The following STX11 variants were observed in gnomAD, a reference collection of about 807,000 sequenced individuals.
STX11 encodes the protein syntaxin 11.
A neutral mutation model predicts 19.9 loss-of-function variants in STX11; 21 were observed. That is an observed-to-expected ratio of 1.06 (90% CI 0.75 to 1.52). The LOEUF is 1.52. Ranked by LOEUF, STX11 falls within the 40% of genes most tolerant of loss-of-function variation. The pLI is 0.00. For synonymous variants in STX11, 193 were observed against 174.4 expected (o/e 1.11, Z -0.84); for missense variants, 438 against 405.9 (o/e 1.08, Z -0.68).
At position 144,155,097 on chromosome 6, in the gene STX11, C is replaced by T. The variant is rs937820422; in HGVS notation, c.-6+4394C>T. ...AAACTGGAATAATCAGACCTTTTCTCCTGGGAATTTACATTTTAATGGAGA... is the reference window on the plus strand; with the variant it reads ...AAACTGGAATAATCAGACCTTTTCTTCTGGGAATTTACATTTTAATGGAGA... On this transcript the variant is annotated intron_variant, in intron 1 of 1. Coordinates refer to ENST00000367568, the MANE Select transcript of STX11 (RefSeq NM_003764.4). The surrounding 1 kb of genome is among the most constrained non-coding windows in gnomAD (Gnocchi z 4.5). 3.9e-5 allele frequency among the ~76,000 whole-genome samples: 6 copies of T among 152,314 alleles called. 1 individual carries two copies. The South Asian group carries it at 6.2e-4, about 16-fold the overall frequency.
rs1240798361 is a variant in STX11, at chr6:144,169,429, T to C, written c.-5-17194T>C. ...TGAAAATTTGATGCTGTGTCTTTTCTAAAATTTCCGTAACCAGCCTTTTGA... is the reference window on the plus strand; with the variant it reads ...TGAAAATTTGATGCTGTGTCTTTTCCAAAATTTCCGTAACCAGCCTTTTGA... On this transcript the variant is annotated intron_variant, in intron 1 of 1. Transcript: ENST00000367568. This position sits in a 1 kb window ranked among gnomAD's most constrained non-coding sequence, Gnocchi z 5.2. Among the ~76,000 whole-genome samples the C allele has an allele frequency of 1.3e-5, 2 of 152,362 alleles. No homozygotes were observed. Among genetic ancestry groups the C allele is most frequent in the East Asian group, 1.9e-4 (1 of 5,186 alleles).
Position 144,188,907 on chromosome 6 carries a change from T to TA in STX11, c.*1417dup, listed in dbSNP as rs1184883630. On this transcript the variant is annotated 3_prime_UTR_variant, in exon 2 of 2. Coordinates refer to ENST00000367568, the MANE Select transcript of STX11 (RefSeq NM_003764.4). ...ATGTCTGGCTAATTTTTTATGTTTT[T>TA]AGTAAAGACGGTGTTTCACCGTGTT... is the stretch of plus-strand genomic sequence containing the variant. Among the ~76,000 whole-genome samples, 1 of 152,024 alleles carries TA rather than the reference T, an allele frequency of 6.6e-6. No homozygotes were observed. Among genetic ancestry groups the TA allele is most frequent in the Admixed American group, 6.6e-5 (1 of 15,260 alleles).
At position 144,190,944 on chromosome 6, in the gene STX11, A is replaced by G. The variant is rs564294591; in HGVS notation, c.*3453A>G. On this transcript the variant is annotated 3_prime_UTR_variant, in exon 2 of 2. Coordinates refer to ENST00000367568, the MANE Select transcript of STX11 (RefSeq NM_003764.4). ...AAGAAATTGTGTTCTAGTGCCACCA[A>G]GAGATGCTGTAGAGCTGGCTTTACC... Among the ~76,000 whole-genome samples the G allele has an allele frequency of 2.6e-5, 4 of 152,288 alleles. No homozygotes were observed. The East Asian group carries it at 5.8e-4, about 22-fold the overall frequency.
chr6:144,158,547 TA>T (rs1562656879), intron 1 of STX11, among the ~76,000 whole-genome samples: 1 of 151,692 alleles, frequency 6.6e-6, no homozygotes, highest in Non-Finnish European at 1.5e-5. Context: ...TGCTTTTTTT[TA>T]AACTTTAATA....
chr6:144,142,842 T>C, the STX11 span, among the ~76,000 whole-genome samples: 8 of 152,226 alleles, frequency 5.3e-5, no homozygotes, highest in African/African-American at 1.9e-4. Context: ...TATTGTTCCA[T>C]TGTTGCTAAC....
rs1801932218 is a variant in STX11 at position 144,182,435 on chromosome 6, T to C, written c.-5-4188T>C. 6.6e-6 allele frequency among the ~76,000 whole-genome samples: 1 copy of C among 152,172 alleles called. No homozygotes were observed. The highest frequency in any genetic ancestry group is 1.5e-5 in the Non-Finnish European group (1 of 68,008). On this transcript the variant is annotated intron_variant, in intron 1 of 1. Coordinates refer to ENST00000367568, the MANE Select transcript of STX11 (RefSeq NM_003764.4). This position sits in a 1 kb window ranked among gnomAD's most constrained non-coding sequence, Gnocchi z 4.8. ...CCTTCCCTCCTTTACCACACCTCAA[T>C]AGAGAATCTTTATGTCTCCTGTACC...
intron 1 of STX11, among the ~76,000 whole-genome samples, chr6:144,173,741 T>C (rs1038933883): frequency 1.3e-5 from 2 of 152,242 alleles, no homozygotes; most frequent in African/African-American, 4.8e-5. Flanking sequence ...TGGCTGCCTA[T>C]GATATGGGCT....
the STX11 span, among the ~76,000 whole-genome samples, chr6:144,144,927 C>T: frequency 6.6e-6 from 1 of 152,166 alleles, no homozygotes; most frequent in Non-Finnish European, 1.5e-5. Context: ...GACACTGGAA[C>T]CCTTGGGCAT....
At chr6:144,171,628 A>G (rs527539934) in intron 1 of STX11, among the ~76,000 whole-genome samples, 14 of 151,836 alleles carry the variant, frequency 9.2e-5, no homozygotes, top group African/African-American at 3.4e-4. Flanking sequence ...CTGCTCAAGG[A>G]CTCCTATTTA....
chr6:144,179,680 G>C (rs1243120217), intron 1 of STX11, among the ~76,000 whole-genome samples: 2 of 152,224 alleles, frequency 1.3e-5, no homozygotes, highest in African/African-American at 4.8e-5. Flanking sequence ...CAGCTCACCA[G>C]GATGCATGCC....
rs758032054 is a variant in STX11 at position 144,187,222 on chromosome 6, GGCGC to G, written c.599_602del (p.Ala200GlyfsTer42). 2.5e-6 allele frequency: 4 copies of G among 1,613,944 alleles called. No homozygotes were observed. In the South Asian group the frequency reaches 4.4e-5, roughly 18 times the overall value. ...CGAGAACTTGCTGGCCGACGTGAAG[GGCGC>G]GCGGGCCGCCCTCAACGAGATCGAG... On this transcript the variant is annotated frameshift_variant, in exon 2 of 2. Transcript: ENST00000367568. LOFTEE classifies it high-confidence loss of function. The surrounding 1 kb of genome is among the most constrained non-coding windows in gnomAD (Gnocchi z 5.6).
At position 144,182,639 on chromosome 6, in the gene STX11, T is replaced by G. The variant is rs4896704; in HGVS notation, c.-5-3984T>G. 6.6e-6 allele frequency among the ~76,000 whole-genome samples: 1 copy of G among 152,214 alleles called. No individual in the cohort carries two copies. The highest frequency in any genetic ancestry group is 1.9e-4 in the East Asian group (1 of 5,170). On this transcript the variant is annotated intron_variant, in intron 1 of 1. Coordinates refer to ENST00000367568, the MANE Select transcript of STX11 (RefSeq NM_003764.4). The surrounding 1 kb of genome is among the most constrained non-coding windows in gnomAD (Gnocchi z 4.8). ...ATGATTGAATTGTACTTGACTCTTC[T>G]TATTGTGATGAGATGATTTCCCCCA...
At chr6:144,146,964 AGTT>A (rs1404917017), upstream of STX11, among the ~76,000 whole-genome samples, 1 of 152,092 alleles carries the variant, frequency 6.6e-6, no homozygotes, top group Non-Finnish European at 1.5e-5. This position sits in a 1 kb window ranked among gnomAD's most constrained non-coding sequence, Gnocchi z 4.4. Context: ...TTCAGTTTGG[AGTT>A]GTTCTCTCCT....
At position 144,150,619 on chromosome 6, in the gene STX11, T is replaced by G; in HGVS notation, c.-90T>G. 1 of 985,232 alleles carries G rather than the reference T, an allele frequency of 1.0e-6. No homozygotes were observed. Among genetic ancestry groups the G allele is most frequent in the Non-Finnish European group, 1.2e-6 (1 of 829,942 alleles). The allele number at this position is 985,232 out of a possible 1,614,324, so 61.0% of individuals were successfully genotyped here. ...AGCCGCCGGGAGTCGCGCAACAGGT[T>G]TCCTTCTCCATCGCTGCGCCCACAG... is the stretch of plus-strand genomic sequence containing the variant. On this transcript the variant is annotated 5_prime_UTR_variant, in exon 1 of 2. Coordinates refer to ENST00000367568, the MANE Select transcript of STX11 (RefSeq NM_003764.4).
rs1562661628 is a variant in STX11, at chr6:144,167,921, A to G, written c.-6+17218A>G. On this transcript the variant is annotated intron_variant, in intron 1 of 1. Transcript: ENST00000367568. The surrounding 1 kb of genome is among the most constrained non-coding windows in gnomAD (Gnocchi z 5.0). ...CAGGTGTGAACCACCATGCCTCACT[A>G]CAGTCATGTTCTTAGACTTATTCAC... Among the ~76,000 whole-genome samples, 1 of 152,204 alleles carries G rather than the reference A, an allele frequency of 6.6e-6. No homozygotes were observed.
Position 144,154,303 on chromosome 6 carries a change from G to T in STX11, c.-6+3600G>T, listed in dbSNP as rs1801079230. On this transcript the variant is annotated intron_variant, in intron 1 of 1. Coordinates refer to ENST00000367568, the MANE Select transcript of STX11 (RefSeq NM_003764.4). The surrounding 1 kb of genome is among the most constrained non-coding windows in gnomAD (Gnocchi z 4.7). ...ATCCAAGAATGGCCTTGATGCATAA[G>T]ATGGGCCTTCAGTGTCCCTACTGTG... Among the ~76,000 whole-genome samples, 1 of 152,208 alleles carries T rather than the reference G, an allele frequency of 6.6e-6. No individual in the cohort carries two copies. The highest frequency in any genetic ancestry group is 1.9e-4 in the East Asian group (1 of 5,198).
rs979857096 is a variant in STX11, at chr6:144,186,904, A to G, written c.277A>G (p.Ile93Val). The change falls in exon 2 of 2, where the codon ATC becomes GTC. Residue 93 changes from isoleucine to valine, a missense_variant. Transcript: ENST00000367568. ...KRDTNSIAKA[I>V]KARGEVIHCK... is the part of the protein sequence containing the mutation. ...CGACACCAACTCCATCGCCAAGGCC[A>G]TCAAGGCCCGGGGCGAGGTCATCCA... The G allele has an allele frequency of 1.9e-5, 31 of 1,611,424 alleles. No homozygotes were observed. Among genetic ancestry groups the G allele is most frequent in the Non-Finnish European group, 2.5e-5 (30 of 1,180,026 alleles).
rs1315884771 is a variant in STX11, at chr6:144,177,564, T to C, written c.-5-9059T>C. ...GAGTTTGAGACCAACCTGGCCAATA[T>C]AGTGAAACCCCATCTCTACTAAAAA... On this transcript the variant is annotated intron_variant, in intron 1 of 1. Transcript: ENST00000367568. The surrounding 1 kb of genome is among the most constrained non-coding windows in gnomAD (Gnocchi z 4.4). Among the ~76,000 whole-genome samples, 2 of 152,238 alleles carry C rather than the reference T, an allele frequency of 1.3e-5. No homozygotes were observed. The highest frequency in any genetic ancestry group is 2.9e-5 in the Non-Finnish European group (2 of 68,006).
In STX11 at chr6:144,191,396, C is replaced by T. The variant is rs1006641694; in HGVS notation, c.*3905C>T. Reference sequence around the variant, plus strand: ...AACAACTTAAAAAGAGAACAGTACTCTTTTTATATCAATGCCTTTACATTT... The same window carrying T: ...AACAACTTAAAAAGAGAACAGTACTTTTTTTATATCAATGCCTTTACATTT... On this transcript the variant is annotated 3_prime_UTR_variant, in exon 2 of 2. Coordinates refer to ENST00000367568, the MANE Select transcript of STX11 (RefSeq NM_003764.4). Among the ~76,000 whole-genome samples the T allele has an allele frequency of 1.3e-5, 2 of 151,034 alleles. No individual in the cohort carries two copies. Among genetic ancestry groups the T allele is most frequent in the East Asian group, 1.9e-4 (1 of 5,144 alleles).
Sources: gnomAD v4.1 joint callset for allele counts (sites outside exome capture counted in the v4.1 genomes callset) on GRCh38, gnomAD v4.1.1 for gene constraint, Gnocchi (gnomAD v3.1) non-coding constraint, MANE v1.5 for transcripts, NCBI Gene and HGNC (gene_info 2026-07-23, HGNC 2026-07-21) for gene names.